The following SLC2A14 variants were observed in gnomAD, a reference collection of about 807,000 sequenced individuals.
The protein encoded by SLC2A14 is solute carrier family 2, facilitated glucose transporter member 14.
In SLC2A14, 13 loss-of-function variants were observed where a neutral mutation model predicts 43.0. The ratio of observed to expected loss-of-function variants is 0.30; its 90% CI spans 0.20 to 0.48. SLC2A14 has a LOEUF of 0.48. Ranked by LOEUF, SLC2A14 falls within the 20% of genes least tolerant of loss-of-function variation. SLC2A14 has a pLI of 0.99. For missense variants in SLC2A14, 428 were observed against 620.4 expected (o/e 0.69, Z 3.29); for synonymous variants, 190 against 233.8 (o/e 0.81, Z 1.71).
intron 1 of SLC2A14, among the ~76,000 whole-genome samples, chr12:7,883,456 C>T (rs1414096798): frequency 6.7e-6 from 1 of 150,358 alleles, no homozygotes; most frequent in Non-Finnish European, 1.5e-5. Context: ...TTAGTAGGGA[C>T]AGGGTTTCAC....
chr12:7,887,613 T>TAGA (rs1565592519), intron 1 of SLC2A14, among the ~76,000 whole-genome samples: 1 of 86,424 alleles, frequency 1.2e-5, no homozygotes, highest in African/African-American at 3.4e-5. Flanking sequence ...AGATAGATAG[T>TAGA]TAGATAGATA....
At chr12:7,854,001 G>C (rs1204198178) in intron 2 of SLC2A14, among the ~76,000 whole-genome samples, 2 of 152,166 alleles carry the variant, frequency 1.3e-5, no homozygotes, top group Non-Finnish European at 1.5e-5. Context: ...AAATATAATG[G>C]GTTGTCTCGT....
chr12:7,818,618 C>A (rs6488682), intron 9 of SLC2A14, among the ~76,000 whole-genome samples: 1 of 151,686 alleles, frequency 6.6e-6, no homozygotes, highest in African/African-American at 2.4e-5. Context: ...GCCAAGATGG[C>A]GACATTGCAC....
At chr12:7,877,674 C>G (rs146170487), upstream of SLC2A14, among the ~76,000 whole-genome samples, 364 of 152,186 alleles carry the variant, frequency 2.4e-3, 3 homozygotes, top group East Asian at 0.019. Flanking sequence ...ATCCGCCCGC[C>G]TCGGCCTCCC....
intron 2 of SLC2A14, among the ~76,000 whole-genome samples, chr12:7,866,289 G>T (rs2121034385): frequency 6.6e-6 from 1 of 150,680 alleles, no homozygotes; most frequent in East Asian, 1.9e-4. Flanking sequence ...GAAAGTTTTA[G>T]TGGTCTAGAT....
chr12:7,862,515 G>A (rs866427809), intron 2 of SLC2A14, among the ~76,000 whole-genome samples: 7 of 151,966 alleles, frequency 4.6e-5, no homozygotes, highest in African/African-American at 1.2e-4. Flanking sequence ...GACGAATGCC[G>A]CCCCCTGCTC....
chr12:7,845,778 CAA>C (rs35933580), intron 2 of SLC2A14, among the ~76,000 whole-genome samples: 6 of 104,132 alleles, frequency 5.8e-5, no homozygotes, highest in Non-Finnish European at 5.5e-5. Flanking sequence ...GACTCCATCT[CAA>C]AAAAAAAAAA....
rs185555934 is a variant in SLC2A14 at position 7,836,289 on chromosome 12, C to G, written c.19-3475G>C. 4.5e-4 allele frequency among the ~76,000 whole-genome samples: 67 copies of G among 150,398 alleles called. No homozygotes were observed. The East Asian group carries it at 9.7e-3, about 22-fold the overall frequency. On this transcript the variant is annotated intron_variant, in intron 2 of 10. Transcript: ENST00000431042. The stretch of plus-strand genomic sequence containing the variant: ...AGGCTGGTGTGCAGTGGCATGATCT[C>G]AGCTCACTGCAACCTCTGCCTCCCC...
rs139558409 is a variant in SLC2A14 at position 7,862,097 on chromosome 12, C to G, written c.18+7766G>C. On this transcript the variant is annotated intron_variant, in intron 2 of 10. Transcript: ENST00000431042. Reference sequence around the variant, plus strand: ...TGACCAACATGGTGAAACCCCGTCTCTACTAAAAATACAAAAATTATCTGG... The same window carrying G: ...TGACCAACATGGTGAAACCCCGTCTGTACTAAAAATACAAAAATTATCTGG... 8.1e-3 allele frequency among the ~76,000 whole-genome samples: 1,228 copies of G among 151,320 alleles called. 8 individuals carry two copies. Among genetic ancestry groups the G allele is most frequent in the Non-Finnish European group, 0.013 (851 of 67,800 alleles).
Position 7,843,017 on chromosome 12 carries a change from C to T in SLC2A14, c.19-10203G>A, listed in dbSNP as rs750324262. ...TGCTGGGATTACAGGTGTGAGCCAC[C>T]GCGCCTGGCCACATAAATGTTTTAA... On this transcript the variant is annotated intron_variant, in intron 2 of 10. Coordinates refer to ENST00000431042, the MANE Select transcript of SLC2A14 (RefSeq NM_001286234.2). 1.0e-3 allele frequency among the ~76,000 whole-genome samples: 154 copies of T among 152,074 alleles called. 1 individual carries two copies. The highest frequency in any genetic ancestry group is 6.0e-3 in the Admixed American group (92 of 15,240).
chr12:7,848,053 A>C (rs1866604421), intron 2 of SLC2A14, among the ~76,000 whole-genome samples: 2 of 152,082 alleles, frequency 1.3e-5, no homozygotes, highest in Admixed American at 1.3e-4. Context: ...TGACAAACCC[A>C]ATTTGCAGGA....
chr12:7,881,385 CGG>C (rs1945568718), intron 1 of SLC2A14, among the ~76,000 whole-genome samples: 1 of 151,780 alleles, frequency 6.6e-6, no homozygotes, highest in Non-Finnish European at 1.5e-5. Flanking sequence ...GCCGGCCGGC[CGG>C]CCCTGGTGGC....
At chr12:7,823,234 T>C (rs1457066916) in intron 7 of SLC2A14, among the ~76,000 whole-genome samples, 1 of 151,662 alleles carries the variant, frequency 6.6e-6, no homozygotes, top group Non-Finnish European at 1.5e-5. Flanking sequence ...AATAAAAAAA[T>C]TAGCTGGGTG....
At chr12:7,851,833 C>T (rs1048872448) in intron 2 of SLC2A14, among the ~76,000 whole-genome samples, 2 of 152,144 alleles carry the variant, frequency 1.3e-5, no homozygotes, top group African/African-American at 4.8e-5. Context: ...CTTCTTTGAT[C>T]CTGACAGCTG....
intron 4 of SLC2A14, among the ~76,000 whole-genome samples, 177 bp from the exon 5 acceptor site, chr12:7,830,183 C>T (rs61937253): frequency 0.25 from 36,815 of 149,522 alleles, 5,193 homozygotes; most frequent in Middle Eastern, 0.34. Flanking sequence ...GACAGAGTCT[C>T]GCTCTGTTGC....
At chr12:7,874,855 A>ATTATATATAAATACATAT (rs1945408039), upstream of SLC2A14, among the ~76,000 whole-genome samples, 1 of 115,524 alleles carries the variant, frequency 8.7e-6, no homozygotes, top group South Asian at 2.6e-4. Flanking sequence ...TTATATATAA[A>ATTATATATAAATACATAT]TTATATATAA....
At chr12:7,846,739 CT>C (rs962294486) in intron 2 of SLC2A14, among the ~76,000 whole-genome samples, 28 of 122,798 alleles carry the variant, frequency 2.3e-4, no homozygotes, top group African/African-American at 7.5e-4. Flanking sequence ...TCAAGCGATT[CT>C]CCTGCCTCAG....
intron 6 of SLC2A14, among the ~76,000 whole-genome samples, chr12:7,828,440 C>G (rs1003874825): frequency 2.8e-4 from 43 of 151,692 alleles, no homozygotes; most frequent in Non-Finnish European, 7.4e-5. Flanking sequence ...CCCACCTACT[C>G]CGGAGGCTGA....
chr12:7,882,206 G>A (rs12296776), intron 1 of SLC2A14, among the ~76,000 whole-genome samples: 5,087 of 151,904 alleles, frequency 0.033, 228 homozygotes, highest in African/African-American at 0.1. Flanking sequence ...TTTTGAAGCC[G>A]GTAAGACCAG....
Sources: gnomAD v4.1 joint callset for allele counts (sites outside exome capture counted in the v4.1 genomes callset) on GRCh38, gnomAD v4.1.1 for gene constraint, MANE v1.5 for transcripts, NCBI Gene and HGNC (gene_info 2026-07-23, HGNC 2026-07-21) for gene names.